Variants in ZNF44 observed in about 807,000 individuals in gnomAD.
ZNF44 encodes gonadotropin inducible transcription repressor-2.
ZNF44 carries 9 observed loss-of-function variants against 11.7 expected under a neutral mutation model. That is an observed-to-expected ratio of 0.77 (90% CI 0.46 to 1.35). ZNF44 has a LOEUF of 1.35. Ranked by LOEUF, ZNF44 falls within the 40% of genes most tolerant of loss-of-function variation. ZNF44 has a pLI of 0.00. For synonymous variants in ZNF44, 224 were observed against 242.7 expected, an observed-to-expected ratio of 0.92 and a Z score of 0.72; for missense variants, 696 against 743.1, an observed-to-expected ratio of 0.94 and a Z score of 0.74.
intron 5 of ZNF44, among the ~76,000 whole-genome samples, chr19:12,256,798 A>G (rs1402931457): frequency 3.5e-5 from 5 of 140,914 alleles, no homozygotes; most frequent in Admixed American, 2.3e-4. Context: ...TCTGCCTCCC[A>G]GGTTCAAGTG....
intron 1 of ZNF44, among the ~76,000 whole-genome samples, chr19:12,288,406 G>C (rs1967850064): frequency 6.6e-6 from 1 of 151,980 alleles, no homozygotes; most frequent in Admixed American, 6.6e-5. Context: ...CCAAGCAGCT[G>C]ATAAAGTTCA....
chr19:12,260,046 T>C, intron 5 of ZNF44: 1 of 496,600 alleles, frequency 2.0e-6, no homozygotes, highest in Admixed American at 2.4e-5. Context: ...CTCTTTACAT[T>C]TGGGGCAACC....
At chr19:12,239,636 C>T (rs2145683057), upstream of ZNF44, among the ~76,000 whole-genome samples, 1 of 133,620 alleles carries the variant, frequency 7.5e-6, no homozygotes, top group Non-Finnish European at 1.5e-5. Flanking sequence ...AGTGCAGTGG[C>T]GTGGTGTCAC....
At chr19:12,278,343 T>C (rs1967320354) in intron 1 of ZNF44, among the ~76,000 whole-genome samples, 1 of 152,216 alleles carries the variant, frequency 6.6e-6, no homozygotes, top group Admixed American at 6.5e-5. Flanking sequence ...TGTCAATAAA[T>C]ATGTGGGTAA....
chr19:12,275,884 C>A (rs905493900), intron 2 of ZNF44, 72 bp downstream of exon 2: 2 of 1,483,306 alleles, frequency 1.3e-6, no homozygotes, highest in Admixed American at 4.0e-5. Flanking sequence ...TATTTCAAAT[C>A]ACTGAACAGC....
At chr19:12,226,451 C>G (rs1915923604) in exon 4 of ZNF44, 1 of 152,178 alleles carries the variant, frequency 6.6e-6, no homozygotes, top group Non-Finnish European at 1.5e-5. Context: ...CTCCATAAGT[C>G]AAATTTGATT....
intron 5 of ZNF44, among the ~76,000 whole-genome samples, chr19:12,255,125 CACACACA>C (rs1489931406): frequency 1.4e-5 from 2 of 143,966 alleles, no homozygotes; most frequent in African/African-American, 5.0e-5. Context: ...CACACACACA[CACACACA>C]CCCCTTTGTG....
rs1967122736 is a variant in ZNF44, at chr19:12,274,342, G to GA, written c.192-280_192-279insT. Among the ~76,000 whole-genome samples the GA allele has an allele frequency of 7.7e-5, 11 of 143,726 alleles. No homozygotes were observed. The East Asian group carries it at 1.2e-3, about 16-fold the overall frequency. The allele number at this position is 143,726 out of a possible 152,430, so 94.3% of individuals were successfully genotyped here. On this transcript the variant is annotated intron_variant, in intron 3 of 3. Transcript: ENST00000355684. ...GCTGGAGTGCAGCTGGTGCTGTCTCGGCTTGCTGCAACCTCCGCCTCCCAG... is the reference window on the plus strand; with the variant it reads ...GCTGGAGTGCAGCTGGTGCTGTCTCGAGCTTGCTGCAACCTCCGCCTCCCAG...
chr19:12,266,351 CCT>C (rs1917725988), intron 5 of ZNF44: 1 of 984,442 alleles, frequency 1.0e-6, no homozygotes, highest in Non-Finnish European at 1.2e-6. Flanking sequence ...CGCGACACAC[CCT>C]GAGCTGACAC....
chr19:12,268,080 G>A (rs963758535), downstream of ZNF44, among the ~76,000 whole-genome samples: 3 of 150,288 alleles, frequency 2.0e-5, no homozygotes, highest in Non-Finnish European at 4.4e-5. Context: ...CAGGTGATCC[G>A]CCTGCCTCGG....
upstream of ZNF44, among the ~76,000 whole-genome samples, chr19:12,239,302 C>T (rs947716229): frequency 2.4e-4 from 36 of 151,730 alleles, 1 homozygote; most frequent in African/African-American, 8.0e-4. Flanking sequence ...TTAGTATAGA[C>T]GGGGTTTCAC....
At chr19:12,259,431 T>C (rs1917404216) in intron 5 of ZNF44, among the ~76,000 whole-genome samples, 1 of 152,198 alleles carries the variant, frequency 6.6e-6, no homozygotes, top group East Asian at 1.9e-4. Context: ...ACCTACATTA[T>C]AGAGGCCAAA....
chr19:12,244,973 T>C (rs183303622), downstream of ZNF44, among the ~76,000 whole-genome samples: 1 of 152,322 alleles, frequency 6.6e-6, no homozygotes, highest in East Asian at 1.9e-4. Flanking sequence ...ATTACAACTC[T>C]TTACATGCCA....
chr19:12,258,659 G>A (rs957403710), intron 5 of ZNF44, among the ~76,000 whole-genome samples: 48 of 151,980 alleles, frequency 3.2e-4, no homozygotes, highest in Admixed American at 3.3e-4. Context: ...GCAAAACCTC[G>A]TCTCTACGAA....
chr19:12,229,033 A>G (rs947270213), intron 3 of ZNF44, among the ~76,000 whole-genome samples: 1 of 152,198 alleles, frequency 6.6e-6, no homozygotes, highest in Non-Finnish European at 1.5e-5. Flanking sequence ...TAAAGATTAA[A>G]GTCATGTGAA....
chr19:12,250,623 T>C (rs1599498998), intron 5 of ZNF44: 1 of 378,296 alleles, frequency 2.6e-6, no homozygotes. Flanking sequence ...TCTGGAAAAG[T>C]GAGAGAAATG....
chr19:12,257,281 GGT>G (rs1265154351), intron 5 of ZNF44, among the ~76,000 whole-genome samples: 1 of 152,106 alleles, frequency 6.6e-6, no homozygotes, highest in Non-Finnish European at 1.5e-5. Flanking sequence ...TTGGATATTG[GGT>G]GTAGGGGCTC....
chr19:12,260,508 A>C (rs576220057), intron 5 of ZNF44: 2 of 1,240,692 alleles, frequency 1.6e-6, no homozygotes, highest in African/African-American at 1.5e-5. Context: ...GGTGAAGCGG[A>C]AGCGGACCCG....
chr19:12,269,524 A>AAAAATAAAAT (rs112580056), downstream of ZNF44, among the ~76,000 whole-genome samples: 26 of 151,198 alleles, frequency 1.7e-4, 1 homozygote, highest in African/African-American at 5.8e-4. Flanking sequence ...CTCCATCTCA[A>AAAAATAAAAT]AAAATAAAAT....
Sources: allele counts gnomAD v4.1 joint callset (sites outside exome capture counted in the v4.1 genomes callset), GRCh38; gene constraint gnomAD v4.1.1; transcripts MANE v1.5; gene names NCBI Gene and HGNC (gene_info 2026-07-23, HGNC 2026-07-21).